ERGIC1: variants seen among roughly 807,000 people sequenced by gnomAD.
ERGIC1 encodes endoplasmic reticulum-Golgi intermediate compartment protein 1.
ERGIC1 carries 19 observed loss-of-function variants against 38.3 expected under a neutral mutation model. The observed-to-expected ratio is 0.50, with a 90% CI of 0.35 to 0.73. The LOEUF (loss-of-function observed/expected upper bound fraction) is 0.73, where lower values mean the gene tolerates loss of function less well. ERGIC1 is among the 30% of genes least tolerant of loss of function. ERGIC1 has a pLI of 0.01. For synonymous variants in ERGIC1, 124 were observed against 157.6 expected (o/e 0.79, Z 1.60); for missense variants, 294 against 389.2 (o/e 0.76, Z 2.06).
chr5:172,948,636 T>C (rs1417606633), intron 9 of ERGIC1, among the ~76,000 whole-genome samples: 6 of 152,210 alleles, frequency 3.9e-5, no homozygotes, highest in Non-Finnish European at 7.4e-5. Flanking sequence ...TGAAGAGGCA[T>C]CTCCTTCATG....
chr5:172,875,626 A>G (rs1762125345), intron 1 of ERGIC1, among the ~76,000 whole-genome samples: 1 of 152,164 alleles, frequency 6.6e-6, no homozygotes. Context: ...ACAGGATCTC[A>G]TCCTGTTGCC....
At position 172,922,929 on chromosome 5, in the gene ERGIC1, C is replaced by A. The variant is rs571238479; in HGVS notation, c.376-1076C>A. ...GCCATTGTTGTCCATGAAGAGACGA[C>A]CTTGGACCAGGGCAGCAGAGAAGAG... On this transcript the variant is annotated intron_variant, in intron 5 of 9. Coordinates refer to ENST00000393784, the MANE Select transcript of ERGIC1 (RefSeq NM_001031711.3). 3.3e-5 allele frequency among the ~76,000 whole-genome samples: 5 copies of A among 152,158 alleles called. 1 individual carries two copies. In the South Asian group the frequency reaches 1.0e-3, roughly 31 times the overall value.
chr5:172,867,121 C>T (rs754402263), intron 1 of ERGIC1: 2 of 447,968 alleles, frequency 4.5e-6, no homozygotes, highest in Non-Finnish European at 9.0e-6. Flanking sequence ...GCTGTGGGGG[C>T]TCTGCAAGCC....
In ERGIC1 at chr5:172,886,246, G is replaced by A. The variant is rs542314777; in HGVS notation, c.21-2453G>A. On this transcript the variant is annotated intron_variant, in intron 1 of 9. Coordinates refer to ENST00000393784, the MANE Select transcript of ERGIC1 (RefSeq NM_001031711.3). ...TGCACATCGGGCTGTACCCTGTGCC[G>A]GAGAGAGGACAGCGCCCAGCTTCCC... Among the ~76,000 whole-genome samples, 40 of 152,180 alleles carry A rather than the reference G, an allele frequency of 2.6e-4. No individual in the cohort carries two copies. The East Asian group carries it at 7.2e-3, about 27-fold the overall frequency.
intron 2 of ERGIC1, 53 bp downstream of exon 2, chr5:172,888,813 C>G: frequency 6.8e-7 from 1 of 1,465,752 alleles, no homozygotes; most frequent in Non-Finnish European, 9.6e-7. Context: ...CTGCCTGTGC[C>G]TGCTCTCTCT....
intron 1 of ERGIC1, among the ~76,000 whole-genome samples, chr5:172,857,089 A>C (rs571557540): frequency 6.6e-6 from 1 of 152,190 alleles, no homozygotes; most frequent in African/African-American, 2.4e-5. Context: ...TAGGAACATG[A>C]TGTACGCTGA....
intron 3 of ERGIC1, among the ~76,000 whole-genome samples, chr5:172,904,486 G>A (rs1191096053): frequency 2.6e-5 from 4 of 152,248 alleles, no homozygotes; most frequent in African/African-American, 9.6e-5. Flanking sequence ...AGAGCCAGGA[G>A]GTGAGCCCAC....
intron 4 of ERGIC1, among the ~76,000 whole-genome samples, chr5:172,912,227 G>A (rs1445675523): frequency 6.6e-6 from 1 of 152,108 alleles, no homozygotes; most frequent in African/African-American, 2.4e-5. Context: ...GGGATTTGAG[G>A]TATCTTAGCA....
At chr5:172,866,382 C>T (rs188483167) in intron 1 of ERGIC1, among the ~76,000 whole-genome samples, 4 of 152,298 alleles carry the variant, frequency 2.6e-5, no homozygotes, top group Non-Finnish European at 5.9e-5. Context: ...TGCACCGTGC[C>T]CCTCTTTCTG....
intron 1 of ERGIC1, among the ~76,000 whole-genome samples, chr5:172,874,807 C>G (rs1270942337): frequency 6.6e-6 from 1 of 151,702 alleles, no homozygotes; most frequent in South Asian, 2.1e-4. Flanking sequence ...TGCGCTTGTC[C>G]TAGCTCCTTG....
chr5:172,950,073 A>G (rs1371997082), intron 9 of ERGIC1, among the ~76,000 whole-genome samples: 5 of 152,212 alleles, frequency 3.3e-5, no homozygotes, highest in African/African-American at 1.2e-4. Context: ...AAGAAAAAGA[A>G]AAAGAAACCT....
At chr5:172,836,542 T>C (rs1213295134) in intron 1 of ERGIC1, among the ~76,000 whole-genome samples, 1 of 152,202 alleles carries the variant, frequency 6.6e-6, no homozygotes, top group Non-Finnish European at 1.5e-5. Flanking sequence ...AAACCTGCAC[T>C]CTTTAAGCTC....
chr5:172,932,683 C>A, intron 8 of ERGIC1, 147 bp downstream of exon 8: 1 of 745,552 alleles, frequency 1.3e-6, no homozygotes, highest in Non-Finnish European at 2.2e-6. Flanking sequence ...CAGGCGCTGT[C>A]CCTGGGTAAA....
chr5:172,898,097 A>G, intron 3 of ERGIC1: 1 of 390,776 alleles, frequency 2.6e-6, no homozygotes. Flanking sequence ...CAGCCCGGAA[A>G]GTCATCACGG....
intron 5 of ERGIC1, chr5:172,917,280 G>C (rs1481062873): frequency 6.6e-6 from 1 of 152,404 alleles, no homozygotes; most frequent in Non-Finnish European, 1.5e-5. Flanking sequence ...GTTCCCATTA[G>C]GTGTCTACAG....
chr5:172,904,801 A>G (rs1411266476), intron 3 of ERGIC1, among the ~76,000 whole-genome samples: 4 of 152,150 alleles, frequency 2.6e-5, no homozygotes, highest in African/African-American at 9.7e-5. Flanking sequence ...AGGCGGCTTT[A>G]TTGACCTCAT....
intron 1 of ERGIC1, among the ~76,000 whole-genome samples, chr5:172,880,507 T>G (rs928444681): frequency 2.6e-5 from 4 of 151,842 alleles, no homozygotes; most frequent in Non-Finnish European, 5.9e-5. Flanking sequence ...TGTATTTTTT[T>G]GTAGAGACAG....
At chr5:172,890,333 G>A (rs1475529123) in intron 2 of ERGIC1, among the ~76,000 whole-genome samples, 2 of 152,204 alleles carry the variant, frequency 1.3e-5, no homozygotes, top group East Asian at 3.9e-4. Context: ...TCACTGATAA[G>A]AGACTAAGGA....
chr5:172,916,001 G>A (rs1763355697), intron 5 of ERGIC1: 1 of 206,296 alleles, frequency 4.8e-6, no homozygotes, highest in Non-Finnish European at 1.0e-5. Context: ...AAAAGTCAGA[G>A]GCTCTCACTA....
Sources: allele counts gnomAD v4.1 joint callset (sites outside exome capture counted in the v4.1 genomes callset), GRCh38; gene constraint gnomAD v4.1.1; transcripts MANE v1.5; gene names NCBI Gene and HGNC (gene_info 2026-07-23, HGNC 2026-07-21).